THEMIS: variants seen among roughly 807,000 people sequenced by gnomAD.
The protein encoded by THEMIS is protein THEMIS.
Under a neutral mutation model 52.6 loss-of-function variants are expected in THEMIS, and 37 were observed. The observed-to-expected ratio is 0.70, with a 90% CI of 0.54 to 0.93. THEMIS has a LOEUF of 0.93. Among genes scored for constraint, THEMIS ranks in the 40% least tolerant of loss-of-function variants. THEMIS has a pLI of 0.00. For synonymous variants in THEMIS, 292 were observed against 272.7 expected (o/e 1.07, Z -0.70); for missense variants, 808 against 763.1 (o/e 1.06, Z -0.69).
intron 4 of THEMIS, among the ~76,000 whole-genome samples, chr6:127,721,426 T>C (rs986272211): frequency 3.3e-5 from 5 of 152,094 alleles, no homozygotes; most frequent in African/African-American, 1.2e-4. Flanking sequence ...CATGACATTC[T>C]CTCAGACTCC....
At chr6:127,812,737 T>A in intron 4 of THEMIS, 146 bp downstream of exon 4, 2 of 765,458 alleles carry the variant, frequency 2.6e-6, no homozygotes, top group Non-Finnish European at 4.3e-6. Context: ...CTGTTGATGT[T>A]CATTCATCTA....
At chr6:127,851,678 A>C (rs1779430306) in intron 2 of THEMIS, among the ~76,000 whole-genome samples, 1 of 151,776 alleles carries the variant, frequency 6.6e-6, no homozygotes, top group African/African-American at 2.4e-5. Context: ...AAAATCCAAA[A>C]TATTGACAAA....
intron 2 of THEMIS, among the ~76,000 whole-genome samples, chr6:127,845,917 C>CG (rs1210285133): frequency 6.6e-6 from 1 of 151,854 alleles, no homozygotes; most frequent in Non-Finnish European, 1.5e-5. Flanking sequence ...TTTGCATACG[C>CG]AAGAAAGACC....
In THEMIS at chr6:127,829,893, T is replaced by C. The variant is rs761795093; in HGVS notation, c.292A>G (p.Met98Val). The change falls in exon 3 of 6, where the codon ATG (methionine) becomes GTG (valine). Residue 98 changes from methionine to valine, a missense_variant. Physicochemically the swap from Met to Val is conservative, Grantham distance 21. Transcript: ENST00000368248. ...IVADKTPYLT[M>V]EEITRTIHIG... is the part of the protein sequence containing the mutation. ...TGAATGGTCCTTGTGATTTCTTCCA[T>C]AGTAAGGTATGGAGTTTTATCAGCC... 1.4e-5 allele frequency: 23 copies of C among 1,613,764 alleles called. No homozygotes were observed. The East Asian group carries it at 4.7e-4, about 33-fold the overall frequency.
At position 127,886,490 on chromosome 6, in the gene THEMIS, C is replaced by T. The variant is rs148795310; in HGVS notation, c.91+14352G>A. On this transcript the variant is annotated intron_variant, in intron 1 of 5. Coordinates refer to ENST00000368248, the MANE Select transcript of THEMIS (RefSeq NM_001010923.3). Reference sequence around the variant, plus strand: ...GTGTATCTGGAACATTGGGCCATACCAGAAAGTTTATGCTAACAACATGAC... The same window carrying T: ...GTGTATCTGGAACATTGGGCCATACTAGAAAGTTTATGCTAACAACATGAC... 1.1e-3 allele frequency among the ~76,000 whole-genome samples: 162 copies of T among 152,108 alleles called. 1 individual carries two copies. Among genetic ancestry groups the T allele is most frequent in the African/African-American group, 3.7e-3 (154 of 41,502 alleles).
chr6:127,734,896 A>ATAT (rs1554216673), intron 4 of THEMIS, among the ~76,000 whole-genome samples: 13 of 65,430 alleles, frequency 2.0e-4, no homozygotes, highest in African/African-American at 5.5e-4. Flanking sequence ...AAAAAAAAAA[A>ATAT]ATATATATAT....
At chr6:127,731,969 G>T (rs1340882687) in intron 4 of THEMIS, among the ~76,000 whole-genome samples, 10 of 144,854 alleles carry the variant, frequency 6.9e-5, no homozygotes, top group Non-Finnish European at 1.5e-4. Flanking sequence ...GCCTCCCAAA[G>T]TGCTGGGGTT....
At chr6:127,738,874 C>T (rs1366646661) in intron 4 of THEMIS, among the ~76,000 whole-genome samples, 2 of 152,054 alleles carry the variant, frequency 1.3e-5, no homozygotes, top group African/African-American at 4.8e-5. Flanking sequence ...CTGATAATTC[C>T]AAGTTAATTC....
intron 4 of THEMIS, among the ~76,000 whole-genome samples, chr6:127,766,723 TAAAC>T (rs1776212952): frequency 1.3e-5 from 2 of 152,144 alleles, no homozygotes; most frequent in Admixed American, 6.5e-5. Context: ...TTTTTGTACT[TAAAC>T]ATATATAAAA....
At chr6:127,758,006 C>CCA (rs1037166468) in intron 4 of THEMIS, among the ~76,000 whole-genome samples, 4 of 150,942 alleles carry the variant, frequency 2.7e-5, no homozygotes, top group African/African-American at 9.7e-5. Flanking sequence ...ATACACACAC[C>CCA]CACACACATA....
Position 127,829,831 on chromosome 6 carries a change from A to G in THEMIS, c.354T>C (p.Tyr118=), listed in dbSNP as rs1778638718. 1.2e-6 allele frequency: 2 copies of G among 1,614,138 alleles called. No homozygotes were observed. The highest frequency in any genetic ancestry group is 1.7e-6 in the Non-Finnish European group (2 of 1,180,020). Residue 118 remains tyrosine, a synonymous_variant, in exon 3 of 6, where the codon TAT becomes TAC. Transcript: ENST00000368248. ...TCTCTAGTTTTATATCCTTCTGATG[A>G]TAGAAGCAAGGATGCCCTAGTCTAC... The part of the protein sequence containing the change: ...GPSRLGHPCF[Y]HQKDIKLENL...
chr6:127,726,226 A>G (rs1774541969), intron 4 of THEMIS, among the ~76,000 whole-genome samples: 1 of 152,118 alleles, frequency 6.6e-6, no homozygotes, highest in Admixed American at 6.6e-5. Context: ...AAGAGTTGGT[A>G]TCTACCCTGA....
At chr6:127,886,448 A>T (rs1780646488) in intron 1 of THEMIS, among the ~76,000 whole-genome samples, 2 of 152,136 alleles carry the variant, frequency 1.3e-5, no homozygotes, top group Non-Finnish European at 2.9e-5. Context: ...CAGTCCTTGA[A>T]GCATAAAAGT....
At chr6:127,910,679 A>G (rs972639257) in intron 1 of THEMIS, among the ~76,000 whole-genome samples, 1 of 152,218 alleles carries the variant, frequency 6.6e-6, no homozygotes, top group Non-Finnish European at 1.5e-5. Context: ...TTGCAGAGAT[A>G]GTACAGAGAT....
chr6:127,908,521 G>A (rs1333028272), intron 1 of THEMIS, among the ~76,000 whole-genome samples: 1 of 152,132 alleles, frequency 6.6e-6, no homozygotes, highest in Admixed American at 6.6e-5. Flanking sequence ...CAGGAGCACA[G>A]GTTGAAATGT....
At chr6:127,902,700 C>T (rs192103735), upstream of THEMIS, among the ~76,000 whole-genome samples, 15 of 152,218 alleles carry the variant, frequency 9.9e-5, no homozygotes, top group Admixed American at 8.5e-4. Flanking sequence ...AAATTCCTCA[C>T]TGGCAACTTT....
intron 3 of THEMIS, among the ~76,000 whole-genome samples, chr6:127,825,558 T>G (rs1778480108): frequency 1.3e-5 from 2 of 152,114 alleles, no homozygotes; most frequent in Admixed American, 1.3e-4. Flanking sequence ...GCATAAAAAT[T>G]GGAAGAAAGT....
At chr6:127,805,848 T>C (rs899753636) in intron 4 of THEMIS, among the ~76,000 whole-genome samples, 1 of 152,150 alleles carries the variant, frequency 6.6e-6, no homozygotes, top group Non-Finnish European at 1.5e-5. Flanking sequence ...GGTTTTATTC[T>C]AAAATAAATT....
intron 2 of THEMIS, 48 bp from the exon 3 acceptor site, chr6:127,829,982 G>A (rs547991560): frequency 2.1e-6 from 3 of 1,395,888 alleles, no homozygotes; most frequent in East Asian, 2.3e-5. Flanking sequence ...TACAATGAAA[G>A]TTCTCACAAG....
Sources: gnomAD v4.1 joint callset for allele counts (sites outside exome capture counted in the v4.1 genomes callset) on GRCh38, gnomAD v4.1.1 for gene constraint, MANE v1.5 for transcripts, NCBI Gene and HGNC (gene_info 2026-07-23, HGNC 2026-07-21) for gene names.